The following HERC1 variants were observed in gnomAD, a reference collection of about 807,000 sequenced individuals.
The protein encoded by HERC1 is HECT and RLD domain containing E3 ubiquitin protein ligase family member 1, also known as probable E3 ubiquitin-protein ligase HERC1.
HERC1 carries 160 observed loss-of-function variants against 554.3 expected under a neutral mutation model. That is an observed-to-expected ratio of 0.29 (90% CI 0.25 to 0.33). The LOEUF is 0.33. Among genes scored for constraint, HERC1 ranks in the 10% least tolerant of loss-of-function variants. The pLI, the probability that HERC1 is intolerant of heterozygous loss-of-function variation, is 1.00. For synonymous variants in HERC1, 2,175 were observed against 2,131.7 expected (o/e 1.02, Z -0.56); for missense variants, 4,919 against 5,918.5 (o/e 0.83, Z 5.54).
intron 1 of HERC1, among the ~76,000 whole-genome samples, chr15:63,804,826 G>T (rs1019376063): frequency 6.6e-6 from 1 of 152,070 alleles, no homozygotes; most frequent in African/African-American, 2.4e-5. Flanking sequence ...CCAAAAAAGC[G>T]CATGAAAGGA....
At chr15:63,833,747 G>GCACACACACACACACACACACACA (rs1279912396) in intron 1 of HERC1, 80 bp downstream of exon 1, 1 of 117,738 alleles carries the variant, frequency 8.5e-6, no homozygotes, top group African/African-American at 4.1e-5. Context: ...GCACACACGC[G>GCACACACACACACACACACACACA]CGCGCGCACA....
intron 24 of HERC1, among the ~76,000 whole-genome samples, chr15:63,710,271 T>C (rs1173093273): frequency 6.6e-6 from 1 of 152,162 alleles, no homozygotes; most frequent in Non-Finnish European, 1.5e-5. Flanking sequence ...GTTTTGTTGT[T>C]GTTATGTGTG....
intron 12 of HERC1, among the ~76,000 whole-genome samples, chr15:63,744,005 C>A (rs985035956): frequency 3.3e-5 from 5 of 151,458 alleles, no homozygotes; most frequent in African/African-American, 9.7e-5. Flanking sequence ...GTTCTTGCAG[C>A]CTCATAGAGG....
At chr15:63,737,041 A>G (rs2074536908) in intron 12 of HERC1, among the ~76,000 whole-genome samples, 1 of 152,108 alleles carries the variant, frequency 6.6e-6, no homozygotes, top group Non-Finnish European at 1.5e-5. Flanking sequence ...TAGAAACAAG[A>G]ACAAAAATTA....
intron 61 of HERC1, 54 bp downstream of exon 61, chr15:63,640,098 A>C (rs1221682311): frequency 8.4e-6 from 13 of 1,542,942 alleles, no homozygotes; most frequent in Non-Finnish European, 1.2e-5. Context: ...CTACATGCCC[A>C]ATACCCATGA....
In HERC1 at chr15:63,801,635, T is replaced by G. The variant is rs139315502; in HGVS notation, c.-26-25986A>C. The stretch of plus-strand genomic sequence containing the variant: ...ACATAGAGGGAGCTCAATAAATATT[T>G]CCTGAATTAAGCTAAGCAATCTGAA... On this transcript the variant is annotated intron_variant, in intron 1 of 77. Transcript: ENST00000443617. Among the ~76,000 whole-genome samples the G allele has an allele frequency of 2.0e-5, 3 of 152,318 alleles. No homozygotes were observed. The East Asian group carries it at 5.8e-4, about 29-fold the overall frequency.
intron 19 of HERC1, among the ~76,000 whole-genome samples, chr15:63,720,627 A>C (rs1017867176): frequency 2.6e-5 from 4 of 152,184 alleles, no homozygotes; most frequent in African/African-American, 7.2e-5. Flanking sequence ...AAAATTGACA[A>C]GGACAAATAT....
rs540938022 is a variant in HERC1 at position 63,684,959 on chromosome 15, AG to A, written c.6225+1399del. ...AGGAGGCGGAGGTTGCAGTGAGCCA[AG>A]ATCGCACCACTGCACTCCAGCCTGG... is the stretch of plus-strand genomic sequence containing the variant. On this transcript the variant is annotated intron_variant, in intron 34 of 77. Transcript: ENST00000443617. Among the ~76,000 whole-genome samples, 25 of 152,372 alleles carry A rather than the reference AG, an allele frequency of 1.6e-4. 1 individual carries two copies. The South Asian group carries it at 4.8e-3, about 29-fold the overall frequency.
intron 25 of HERC1, among the ~76,000 whole-genome samples, chr15:63,702,432 T>G (rs1419532050): frequency 3.3e-5 from 5 of 152,238 alleles, no homozygotes; most frequent in African/African-American, 1.2e-4. Context: ...AACCACACAG[T>G]ATTTTAACTA....
Position 63,626,067 on chromosome 15 carries a change from C to T in HERC1, c.13193G>A (p.Arg4398Gln), listed in dbSNP as rs200491054. 4.3e-6 allele frequency: 7 copies of T among 1,613,396 alleles called. No homozygotes were observed. The highest frequency in any genetic ancestry group is 2.2e-5 in the East Asian group (1 of 44,836). The change falls in exon 71 of 78, where the codon CGG (arginine) becomes CAG (glutamine). Residue 4398 changes from arginine to glutamine, a missense_variant. Arg to Gln is a conservative substitution (Grantham distance 43). Around this residue, in one of 11 missense-constraint regions of HERC1, gnomAD observed 410 missense variants for 467.0 expected, o/e 0.88. Transcript: ENST00000443617. ...GTGGTAGAGCAGCCGGAGCCTGGCC[C>T]GCACCGTGTGAATGCTGACTTCTCT... Reference protein sequence around the residue: ...ALREVSIHTVRARLRLLYHFS... With the variant: ...ALREVSIHTVQARLRLLYHFS...
rs757452335 is a variant in HERC1, at chr15:63,694,020, T to G, written c.5618A>C (p.Glu1873Ala). The part of the protein sequence containing the change: ...SFGEGEQEDG[E>A]EEEKKVDSSG... The stretch of plus-strand genomic sequence containing the variant: ...GGAGTCAACTTTTTTTTCTTCTTCT[T>G]CACCGTCTTCTTGCTCCCCTTCTCC... Residue 1873 changes from glutamate to alanine, a missense_variant, in exon 30 of 78, where the codon GAA becomes GCA. Physicochemically the swap from Glu to Ala is moderately radical, Grantham distance 107 (BLOSUM62 -1). This residue lies in a region of HERC1 where 1,121 missense variants were observed against 1,244.0 expected (regional missense o/e 0.90). Transcript: ENST00000443617. The surrounding 1 kb of genome is among the most constrained non-coding windows in gnomAD (Gnocchi z 4.3). 3.3e-5 allele frequency: 52 copies of G among 1,578,778 alleles called. No homozygotes were observed. Among genetic ancestry groups the G allele is most frequent in the Non-Finnish European group, 4.5e-5 (52 of 1,160,852 alleles).
At chr15:63,765,482 C>T (rs560839149) in intron 2 of HERC1, among the ~76,000 whole-genome samples, 1 of 152,184 alleles carries the variant, frequency 6.6e-6, no homozygotes, top group East Asian at 1.9e-4. Flanking sequence ...ATCCATCCAG[C>T]GTTAACATCA....
chr15:63,616,457 A>G lies in HERC1; in HGVS notation c.13914T>C (p.Ser4638=). 3 of 1,613,902 alleles carry G rather than the reference A, an allele frequency of 1.9e-6. No homozygotes were observed. Among genetic ancestry groups the G allele is most frequent in the Non-Finnish European group, 2.5e-6 (3 of 1,179,840 alleles). The change falls in exon 75 of 78, where the codon AGT becomes AGC. Residue 4638 remains serine (S), a synonymous_variant. Coordinates refer to ENST00000443617, the MANE Select transcript of HERC1 (RefSeq NM_003922.4). The part of the protein sequence containing the change: ...TLNSILHIED[S]GITEESFHEM... ...CATGGAAACTCTCCTCGGTAATCCC[A>G]CTGTCTTCAATGTGAAGAATGCTGT...
chr15:63,663,223 A>G lies in HERC1; in HGVS notation c.8681-19T>C, dbSNP rs754581653. ...AATCCCGCTCAGAACAAAACAAAAA[A>G]GGCATTTTATTTGCATGCATAAAAT... On this transcript the variant is annotated intron_variant, in intron 43 of 77. Coordinates refer to ENST00000443617, the MANE Select transcript of HERC1 (RefSeq NM_003922.4). The G allele has an allele frequency of 6.3e-7, 1 of 1,599,162 alleles. No homozygotes were observed. Among genetic ancestry groups the G allele is most frequent in the Non-Finnish European group, 8.6e-7 (1 of 1,169,210 alleles).
Position 63,821,974 on chromosome 15 carries a change from AAG to A in HERC1, c.-27+11851_-27+11852del, listed in dbSNP as rs538890872. On this transcript the variant is annotated intron_variant, in intron 1 of 77. Transcript: ENST00000443617. The stretch of plus-strand genomic sequence containing the variant: ...TAAGTGCCATAAAAAAAAGTAAAGC[AAG>A]AGAGATAGGGGATGTAGGGAGTGGC... Among the ~76,000 whole-genome samples, 135 of 152,308 alleles carry A rather than the reference AAG, an allele frequency of 8.9e-4. 1 individual carries two copies. Among genetic ancestry groups the A allele is most frequent in the African/African-American group, 3.2e-3 (131 of 41,566 alleles).
chr15:63,615,792 A>T lies in HERC1; in HGVS notation c.14070T>A (p.Tyr4690Ter). The change falls in exon 76 of 78, where the codon TAT (tyrosine) becomes TAA (stop). Residue 4690 changes from tyrosine to a stop codon, truncating the protein, a stop_gained. Transcript: ENST00000443617. LOFTEE classifies it high-confidence loss of function. ...RKEYVERAIE[Y>*]RLHEMDRQVA... ...CCTGTCTGTCCATCTCATGAAGTCG[A>T]TATTCAATGGCCCTCTCCACATATT... is the stretch of plus-strand genomic sequence containing the variant. The T allele has an allele frequency of 6.3e-7, 1 of 1,599,566 alleles. No homozygotes were observed. Among genetic ancestry groups the T allele is most frequent in the Non-Finnish European group, 8.5e-7 (1 of 1,175,296 alleles).
chr15:63,682,287 G>C (rs1307626319), intron 34 of HERC1, among the ~76,000 whole-genome samples: 1 of 152,166 alleles, frequency 6.6e-6, no homozygotes, highest in Non-Finnish European at 1.5e-5. Context: ...TCTTGGCCTT[G>C]CTAGCTAAAG....
rs1346626770 is a variant in HERC1 at position 63,758,688 on chromosome 15, A to G, written c.1027-319T>C. Among the ~76,000 whole-genome samples the G allele has an allele frequency of 6.6e-6, 1 of 152,224 alleles. No homozygotes were observed. ...TCACCATGGATAATCTTAACATCTT[A>G]ATACAATAAATTTTACCTTTTAAAT... On this transcript the variant is annotated intron_variant, in intron 3 of 77. Transcript: ENST00000443617. The surrounding 1 kb of genome is among the most constrained non-coding windows in gnomAD (Gnocchi z 4.0).
intron 44 of HERC1, 146 bp downstream of exon 44, chr15:63,662,838 C>A: frequency 1.6e-6 from 1 of 610,536 alleles, no homozygotes; most frequent in Non-Finnish European, 2.9e-6. Flanking sequence ...TCAAAGTAAC[C>A]TCATAACTTT....
Sources: allele counts gnomAD v4.1 joint callset (sites outside exome capture counted in the v4.1 genomes callset), GRCh38; gene constraint gnomAD v4.1.1; regional missense constraint gnomAD v4.1.1; non-coding constraint Gnocchi (gnomAD v3.1); transcripts MANE v1.5; gene names NCBI Gene and HGNC (gene_info 2026-07-23, HGNC 2026-07-21).